Variants in FNDC1 observed in about 807,000 individuals in gnomAD.
FNDC1 encodes the protein fibronectin type III domain containing 1, also known as fibronectin type III domain-containing protein 1.
FNDC1 carries 96 observed loss-of-function variants against 168.0 expected under a neutral mutation model. The observed-to-expected ratio is 0.57, with a 90% CI of 0.48 to 0.68. The LOEUF (loss-of-function observed/expected upper bound fraction) is 0.68. FNDC1 is among the 30% of genes least tolerant of loss of function. FNDC1 has a pLI of 0.00. For missense variants in FNDC1, 2,587 were observed against 2,482.1 expected, an observed-to-expected ratio of 1.04 and a Z score of -0.90; for synonymous variants, 1,099 against 1,025.9, an observed-to-expected ratio of 1.07 and a Z score of -1.36.
chr6:159,208,993 G>A (rs1782544468), intron 4 of FNDC1, among the ~76,000 whole-genome samples: 1 of 151,956 alleles, frequency 6.6e-6, no homozygotes, highest in Admixed American at 6.5e-5. Context: ...GATTACAGGT[G>A]CATGCCACCA....
intron 14 of FNDC1, among the ~76,000 whole-genome samples, chr6:159,244,522 A>G (rs140528733): frequency 1.3e-5 from 2 of 152,198 alleles, no homozygotes; most frequent in African/African-American, 2.4e-5. Flanking sequence ...CGAGGTTGCC[A>G]TTGCCCTTTG....
chr6:159,217,022 G>A (rs1218296454), intron 5 of FNDC1, among the ~76,000 whole-genome samples: 1 of 152,222 alleles, frequency 6.6e-6, no homozygotes, highest in Non-Finnish European at 1.5e-5. Context: ...TGTGGAGGCT[G>A]GAGGTGGGAG....
At chr6:159,258,797 C>T (rs1394415172) in intron 18 of FNDC1, among the ~76,000 whole-genome samples, 1 of 152,176 alleles carries the variant, frequency 6.6e-6, no homozygotes, top group Non-Finnish European at 1.5e-5. Context: ...ACTCATTTTC[C>T]CCTGTGTCAC....
intron 1 of FNDC1, among the ~76,000 whole-genome samples, chr6:159,181,345 T>C (rs956917668): frequency 2.6e-5 from 4 of 152,230 alleles, no homozygotes; most frequent in African/African-American, 9.6e-5. Flanking sequence ...ACTGTCAACC[T>C]GGTGTTCCAA....
At chr6:159,190,376 G>A (rs1489765949) in intron 1 of FNDC1, among the ~76,000 whole-genome samples, 1 of 152,236 alleles carries the variant, frequency 6.6e-6, no homozygotes, top group Admixed American at 6.5e-5. Flanking sequence ...TTTACCTGGT[G>A]GCATGAATGG....
intron 4 of FNDC1, among the ~76,000 whole-genome samples, chr6:159,212,577 A>G (rs1162406156): frequency 1.3e-5 from 2 of 152,124 alleles, no homozygotes; most frequent in South Asian, 4.2e-4. Context: ...TTTGAAAGAG[A>G]GACAATTGTG....
chr6:159,216,963 T>C (rs1583878619), intron 5 of FNDC1, among the ~76,000 whole-genome samples: 1 of 152,344 alleles, frequency 6.6e-6, no homozygotes, highest in East Asian at 1.9e-4. Context: ...TTCCCTTACC[T>C]GGTCTCTTCC....
rs770479635 is a variant in FNDC1 at position 159,233,274 on chromosome 6, G to C, written c.2762G>C (p.Arg921Pro). ...RSPQRGASLH[R>P]KEPIPENPKS... ...CCGCAGAGAGGGGCCAGCCTGCATCGGAAGGAACCCATCCCAGAGAACCCC... is the reference window on the plus strand; with the variant it reads ...CCGCAGAGAGGGGCCAGCCTGCATCCGAAGGAACCCATCCCAGAGAACCCC... Residue 921 changes from arginine to proline, a missense_variant, in exon 11 of 23, where the codon CGG becomes CCG. Coordinates refer to ENST00000297267, the MANE Select transcript of FNDC1 (RefSeq NM_032532.3). This position sits in a 1 kb window ranked among gnomAD's most constrained non-coding sequence, Gnocchi z 4.6. 2.5e-6 allele frequency: 4 copies of C among 1,613,804 alleles called. No individual in the cohort carries two copies. The highest frequency in any genetic ancestry group is 2.2e-5 in the South Asian group (2 of 91,086).
At chr6:159,261,340 C>A in intron 19 of FNDC1, 71 bp downstream of exon 19, 1 of 1,050,620 alleles carries the variant, frequency 9.5e-7, no homozygotes, top group Non-Finnish European at 1.5e-6. Flanking sequence ...AGCATGATGG[C>A]TACAATAGAA....
Position 159,208,923 on chromosome 6 carries a change from C to T in FNDC1, c.461-6022C>T, listed in dbSNP as rs146862125. Among the ~76,000 whole-genome samples, 374 of 150,176 alleles carry T rather than the reference C, an allele frequency of 2.5e-3. 3 individuals are homozygous for T. The highest frequency in any genetic ancestry group is 8.5e-3 in the African/African-American group (345 of 40,378). Reference sequence around the variant, plus strand: ...AGTGCAGTGGTGCAATCTTGGCTCACCGCAACCTCTGCCTCCCGGCATCAA... The same window carrying T: ...AGTGCAGTGGTGCAATCTTGGCTCATCGCAACCTCTGCCTCCCGGCATCAA... On this transcript the variant is annotated intron_variant, in intron 4 of 22. Coordinates refer to ENST00000297267, the MANE Select transcript of FNDC1 (RefSeq NM_032532.3).
At chr6:159,220,800 A>C (rs1020472359) in intron 5 of FNDC1, among the ~76,000 whole-genome samples, 9 of 152,218 alleles carry the variant, frequency 5.9e-5, no homozygotes, top group Non-Finnish European at 1.2e-4. Flanking sequence ...ATCCACGTAC[A>C]GTAAAGGCTG....
At chr6:159,173,744 A>G (rs959481073) in intron 1 of FNDC1, among the ~76,000 whole-genome samples, 4 of 152,216 alleles carry the variant, frequency 2.6e-5, no homozygotes, top group African/African-American at 7.2e-5. Context: ...GATCTTTATT[A>G]TAGTTATAGA....
chr6:159,209,414 A>T (rs1782551838), intron 4 of FNDC1, among the ~76,000 whole-genome samples: 1 of 152,270 alleles, frequency 6.6e-6, no homozygotes, highest in South Asian at 2.1e-4. Flanking sequence ...TAAAGAGTTT[A>T]CTTTGCACCT....
intron 1 of FNDC1, among the ~76,000 whole-genome samples, chr6:159,183,159 G>A (rs1336996251): frequency 6.6e-6 from 1 of 152,182 alleles, no homozygotes; most frequent in African/African-American, 2.4e-5. Context: ...GAGGTAGGTA[G>A]GATTAGCTAC....
intron 14 of FNDC1, among the ~76,000 whole-genome samples, chr6:159,244,981 A>ATGGTG (rs1783507637): frequency 6.6e-6 from 1 of 152,204 alleles, no homozygotes; most frequent in African/African-American, 2.4e-5. Context: ...GACCTCAGGA[A>ATGGTG]ACTTACAATC....
In FNDC1 at chr6:159,236,218, A is replaced by T; in HGVS notation, c.3971A>T (p.Tyr1324Phe). ...TTTTATTTTTGGTACTGTGTAGGTT[A>T]TAATGGCAGACCAAATGTAGAAGGG... Reference protein sequence around the residue: ...QPARPSYRQGYNGRPNVEGKV... With the variant: ...QPARPSYRQGFNGRPNVEGKV... The change falls in exon 12 of 23, where the codon TAT becomes TTT. Residue 1324 changes from tyrosine (Y) to phenylalanine (F), a missense_variant. Tyr to Phe is a conservative substitution (Grantham distance 22). Transcript: ENST00000297267. 1 of 1,611,954 alleles carries T rather than the reference A, an allele frequency of 6.2e-7. No homozygotes were observed. The highest frequency in any genetic ancestry group is 8.5e-7 in the Non-Finnish European group (1 of 1,178,174).
At chr6:159,197,023 C>T (rs766639990) in intron 1 of FNDC1, among the ~76,000 whole-genome samples, 26 of 152,148 alleles carry the variant, frequency 1.7e-4, no homozygotes, top group Admixed American at 5.2e-4. Flanking sequence ...ATGCTGTTCT[C>T]TCCGAGACGT....
At chr6:159,205,894 T>G (rs1274741328) in intron 4 of FNDC1, among the ~76,000 whole-genome samples, 1 of 152,226 alleles carries the variant, frequency 6.6e-6, no homozygotes, top group Non-Finnish European at 1.5e-5. Flanking sequence ...AAATTGTAAT[T>G]TCTGCATTTT....
intron 6 of FNDC1, among the ~76,000 whole-genome samples, chr6:159,222,519 A>G (rs751389064): frequency 1.3e-5 from 2 of 152,234 alleles, no homozygotes; most frequent in Non-Finnish European, 2.9e-5. Context: ...GAAACAAAAA[A>G]CTAAAACAAA....
Sources: gnomAD v4.1 joint callset for allele counts (sites outside exome capture counted in the v4.1 genomes callset) on GRCh38, gnomAD v4.1.1 for gene constraint, Gnocchi (gnomAD v3.1) non-coding constraint, MANE v1.5 for transcripts, NCBI Gene and HGNC (gene_info 2026-07-23, HGNC 2026-07-21) for gene names.